The following TMEM14B variants were observed in gnomAD, a reference collection of about 807,000 sequenced individuals.
The protein encoded by TMEM14B is transmembrane protein 14B.
TMEM14B carries 9 observed loss-of-function variants against 14.8 expected under a neutral mutation model. The ratio of observed to expected loss-of-function variants is 0.61; its 90% CI spans 0.37 to 1.06. TMEM14B has a LOEUF of 1.06. Among genes scored for constraint, TMEM14B ranks in the 50% least tolerant of loss-of-function variants. TMEM14B has a pLI of 0.01. For missense variants in TMEM14B, 128 were observed against 143.6 expected (o/e 0.89, Z 0.56); for synonymous variants, 40 against 51.3 (o/e 0.78, Z 0.94).
intron 4 of TMEM14B, among the ~76,000 whole-genome samples, 200 bp downstream of exon 4, chr6:10,751,434 G>T (rs1350234758): frequency 6.6e-6 from 1 of 152,040 alleles, no homozygotes; most frequent in Non-Finnish European, 1.5e-5. Context: ...TATTGTTTAT[G>T]TAGATAATAT....
intron 4 of TMEM14B, among the ~76,000 whole-genome samples, chr6:10,753,936 C>T (rs1771697076): frequency 6.6e-6 from 1 of 152,088 alleles, no homozygotes. Flanking sequence ...CTCTAGTTTC[C>T]CTGAAGTTTG....
intron 1 of TMEM14B, 52 bp from the exon 2 acceptor site, chr6:10,749,150 C>A: frequency 7.8e-7 from 1 of 1,279,288 alleles, no homozygotes; most frequent in Non-Finnish European, 1.1e-6. Context: ...TTCTTTCTGA[C>A]TGCTGGGGAG....
At chr6:10,759,073 C>T (rs1323163788), downstream of TMEM14B, 1 of 171,514 alleles carries the variant, frequency 5.8e-6, no homozygotes, top group Non-Finnish European at 1.3e-5. Context: ...TGTGCACCAC[C>T]ACACCCAGCT....
chr6:10,758,017 C>T (rs1282570481), downstream of TMEM14B, among the ~76,000 whole-genome samples: 2 of 151,912 alleles, frequency 1.3e-5, no homozygotes, highest in African/African-American at 4.8e-5. Context: ...ATATTTGCTA[C>T]TGATTTACCC....
rs187472023 is a variant in TMEM14B at position 10,755,097 on chromosome 6, C to T, written c.203-45C>T. 1.4e-4 allele frequency: 219 copies of T among 1,600,430 alleles called. 1 individual carries two copies. The Middle Eastern group carries it at 1.8e-3, about 13-fold the overall frequency. On this transcript the variant is annotated intron_variant, in intron 4 of 5. Coordinates refer to ENST00000379542, the MANE Select transcript of TMEM14B (RefSeq NM_030969.5). ...GCTTGGTCTACTTCTGATTCCCCTG[C>T]GTAGAAGACTAATGAGTTTTGACCC...
intron 4 of TMEM14B, among the ~76,000 whole-genome samples, chr6:10,753,796 G>A (rs902625530): frequency 6.6e-6 from 1 of 150,832 alleles, no homozygotes; most frequent in Middle Eastern, 3.2e-3. Context: ...AGGTCTTGTC[G>A]ACACTACCTC....
intron 5 of TMEM14B, chr6:10,755,821 G>T (rs1164823967): frequency 2.0e-5 from 5 of 253,800 alleles, no homozygotes; most frequent in Middle Eastern, 1.9e-3. Context: ...GGGTGCGGTG[G>T]TGCACGCCTG....
chr6:10,749,653 A>T lies in TMEM14B; in HGVS notation c.55A>T (p.Thr19Ser), dbSNP rs1231764798. 1 of 1,614,244 alleles carries T rather than the reference A, an allele frequency of 6.2e-7. No individual in the cohort carries two copies. The highest frequency in any genetic ancestry group is 1.1e-5 in the South Asian group (1 of 91,088). Reference protein sequence around the residue: ...VPLHWFGFGYTALVVSGGIVG... With the variant: ...VPLHWFGFGYSALVVSGGIVG... ...TTTGCATTGGTTTGGCTTTGGCTACACAGCACTGGTTGTTTCTGGTGGGAT... is the reference window on the plus strand; with the variant it reads ...TTTGCATTGGTTTGGCTTTGGCTACTCAGCACTGGTTGTTTCTGGTGGGAT... The change falls in exon 3 of 6, where the codon ACA becomes TCA. Residue 19 changes from threonine to serine, a missense_variant. Physicochemically the swap from Thr to Ser is moderately conservative, Grantham distance 58. Transcript: ENST00000379542.
chr6:10,749,360 G>A, intron 2 of TMEM14B, 92 bp downstream of exon 2: 9 of 1,505,678 alleles, frequency 6.0e-6, no homozygotes, highest in South Asian at 1.1e-5. Flanking sequence ...AGAGTAGACT[G>A]CCTGGGATGG....
intron 1 of TMEM14B, among the ~76,000 whole-genome samples, chr6:10,748,531 G>A (rs1046401136): frequency 7.9e-5 from 12 of 152,188 alleles, no homozygotes; most frequent in African/African-American, 2.9e-4. Flanking sequence ...GGGATTACAG[G>A]CGTGAGCCAC....
At chr6:10,748,231 T>C (rs1771404774) in intron 1 of TMEM14B, among the ~76,000 whole-genome samples, 1 of 152,010 alleles carries the variant, frequency 6.6e-6, no homozygotes, top group African/African-American at 2.4e-5. Flanking sequence ...CCCCGTTTTA[T>C]GGGAAATTAA....
chr6:10,751,397 G>A (rs1771560174), intron 4 of TMEM14B, among the ~76,000 whole-genome samples, 163 bp downstream of exon 4: 1 of 152,040 alleles, frequency 6.6e-6, no homozygotes, highest in Non-Finnish European at 1.5e-5. Flanking sequence ...TAGGAGAAGG[G>A]TGGTGGGAAT....
rs191371920 is a variant in TMEM14B at position 10,752,400 on chromosome 6, A to G, written c.202+1166A>G. Among the ~76,000 whole-genome samples the G allele has an allele frequency of 9.6e-4, 141 of 147,436 alleles. 1 individual carries two copies. The East Asian group carries it at 0.012, about 13-fold the overall frequency. On this transcript the variant is annotated intron_variant, in intron 4 of 5. Transcript: ENST00000379542. ...TATTTGTATTCCTCCTTTTAGGTGG[A>G]TCCCCGCATTGATATTCAGATGTGC...
chr6:10,759,759 T>C (rs997659461), downstream of TMEM14B: 6 of 152,178 alleles, frequency 3.9e-5, no homozygotes, highest in African/African-American at 1.4e-4. Context: ...AATAAAACTA[T>C]GTATGGGCCC....
chr6:10,749,292 A>G, intron 2 of TMEM14B, 24 bp downstream of exon 2: 1 of 1,613,958 alleles, frequency 6.2e-7, no homozygotes, highest in Non-Finnish European at 8.5e-7. Context: ...AAATGGTTAG[A>G]GAGTAGCCAG....
Position 10,756,746 on chromosome 6 carries a change from A to G in TMEM14B, c.*228A>G. The G allele has an allele frequency of 8.5e-7, 1 of 1,174,040 alleles. No homozygotes were observed. Among genetic ancestry groups the G allele is most frequent in the Non-Finnish European group, 1.1e-6 (1 of 949,868 alleles). 72.7% of individuals were successfully genotyped at this position (1,174,040 alleles called of 1,614,324 possible). A position where few individuals can be genotyped will look rare whatever the true frequency, so the allele number is the denominator to read the frequency against. ...CTTATTGAGACCATCATAGAGATCG[A>G]TTCTTGTATATTGATTTTATCTCTT... On this transcript the variant is annotated 3_prime_UTR_variant, in exon 6 of 6. Transcript: ENST00000379542.
At chr6:10,758,685 C>CA, downstream of TMEM14B, among the ~76,000 whole-genome samples, 1 of 152,100 alleles carries the variant, frequency 6.6e-6, no homozygotes. Flanking sequence ...GTGGGCATTT[C>CA]TGTTGAGGGA....
chr6:10,749,542 A>T, intron 2 of TMEM14B, 80 bp from the exon 3 acceptor site: 1 of 1,504,972 alleles, frequency 6.6e-7, no homozygotes, highest in South Asian at 1.1e-5. Context: ...ATTACCTTTT[A>T]GCCCCATCCT....
chr6:10,755,063 A>G, intron 4 of TMEM14B, 79 bp from the exon 5 acceptor site: 1 of 1,467,350 alleles, frequency 6.8e-7, no homozygotes. Flanking sequence ...GCCTTGAGAG[A>G]TTGGTGGGGC....
Sources: gnomAD v4.1 joint callset for allele counts (sites outside exome capture counted in the v4.1 genomes callset) on GRCh38, gnomAD v4.1.1 for gene constraint, MANE v1.5 for transcripts, NCBI Gene and HGNC (gene_info 2026-07-23, HGNC 2026-07-21) for gene names.